PDZD2: variants seen among roughly 807,000 people sequenced by gnomAD.
The protein encoded by PDZD2 is PDZ domain containing 2.
In PDZD2, 90 loss-of-function variants were observed where a neutral mutation model predicts 220.7. The ratio of observed to expected loss-of-function variants is 0.41; its 90% CI spans 0.34 to 0.49. The LOEUF is 0.49. PDZD2 is among the 20% of genes least tolerant of loss of function. PDZD2 has a pLI of 0.28. For synonymous variants in PDZD2, 1,375 were observed against 1,450.5 expected, an observed-to-expected ratio of 0.95 and a Z score of 1.18; for missense variants, 3,174 against 3,608.5, an observed-to-expected ratio of 0.88 and a Z score of 3.08.
intron 2 of PDZD2, among the ~76,000 whole-genome samples, chr5:31,835,838 C>T (rs2150276614): frequency 6.6e-6 from 1 of 152,286 alleles, no homozygotes; most frequent in Middle Eastern, 3.4e-3. Context: ...CTAGTGAAAA[C>T]TCAACAAATG....
intron 2 of PDZD2, among the ~76,000 whole-genome samples, chr5:31,890,212 C>T (rs972812281): frequency 3.7e-5 from 5 of 136,162 alleles, no homozygotes; most frequent in Admixed American, 8.5e-5. Flanking sequence ...ACTTAATGGG[C>T]GATGGCGGTG....
At chr5:31,885,451 A>G (rs1311612805) in intron 2 of PDZD2, among the ~76,000 whole-genome samples, 1 of 152,212 alleles carries the variant, frequency 6.6e-6, no homozygotes, top group Non-Finnish European at 1.5e-5. Context: ...TGTGTTCTAA[A>G]GAAGTACTTG....
rs1303185675 is a variant in PDZD2 at position 31,679,174 on chromosome 5, A to C, written c.-361+39737A>C. On this transcript the variant is annotated intron_variant, in intron 1 of 24. Coordinates refer to ENST00000438447, the MANE Select transcript of PDZD2 (RefSeq NM_178140.4). ...ACACTTCTCAGGGTGTTATCTTCAT[A>C]GTAAGATGAATTGACAGGTGCCTGT... Among the ~76,000 whole-genome samples, 7 of 152,348 alleles carry C rather than the reference A, an allele frequency of 4.6e-5. No homozygotes were observed. In the South Asian group the frequency reaches 1.4e-3, roughly 32 times the overall value.
chr5:31,709,529 G>A (rs566858220), intron 1 of PDZD2, among the ~76,000 whole-genome samples: 4 of 151,018 alleles, frequency 2.6e-5, no homozygotes, highest in Admixed American at 2.6e-4. Context: ...GAGAGCTAGG[G>A]TTTGTCCTGG....
At chr5:31,677,210 A>C (rs576374076) in intron 1 of PDZD2, among the ~76,000 whole-genome samples, 32 of 152,304 alleles carry the variant, frequency 2.1e-4, no homozygotes, top group African/African-American at 7.2e-4. Context: ...ATGACAGCGG[A>C]TTATTGTGTC....
chr5:31,720,149 A>G (rs1052855814), intron 1 of PDZD2, among the ~76,000 whole-genome samples: 1 of 152,194 alleles, frequency 6.6e-6, no homozygotes, highest in Non-Finnish European at 1.5e-5. Flanking sequence ...CCAGAAGACA[A>G]TTGCTTCTCC....
At chr5:31,931,916 G>A (rs573595755) in intron 2 of PDZD2, among the ~76,000 whole-genome samples, 26 of 152,290 alleles carry the variant, frequency 1.7e-4, no homozygotes, top group Non-Finnish European at 3.5e-4. Flanking sequence ...GCTTTCTCAG[G>A]TGTGATTCTG....
In PDZD2 at chr5:32,000,320, T is replaced by C; in HGVS notation, c.1254+49T>C. ...ACTCGTAATGGTGGCAGTGGTGAGT[T>C]GGGGTTGAGCCCCACCTCCCATGCC... is the stretch of plus-strand genomic sequence containing the variant. On this transcript the variant is annotated intron_variant, in intron 5 of 24. Coordinates refer to ENST00000438447, the MANE Select transcript of PDZD2 (RefSeq NM_178140.4). This position sits in a 1 kb window ranked among gnomAD's most constrained non-coding sequence, Gnocchi z 4.5. The C allele has an allele frequency of 6.2e-7, 1 of 1,600,014 alleles. No homozygotes were observed. Among genetic ancestry groups the C allele is most frequent in the South Asian group, 1.1e-5 (1 of 90,560 alleles).
At chr5:32,053,629 A>G (rs1738800168) in intron 9 of PDZD2, 140 bp from the exon 10 acceptor site, 2 of 617,460 alleles carry the variant, frequency 3.2e-6, no homozygotes, top group Admixed American at 5.6e-5. Flanking sequence ...GCTTAGTTTA[A>G]CTCCAGGCCT....
chr5:32,065,989 A>T (rs530541555), intron 14 of PDZD2, among the ~76,000 whole-genome samples: 9 of 151,508 alleles, frequency 5.9e-5, no homozygotes, highest in Non-Finnish European at 1.2e-4. Flanking sequence ...GCACCATCAC[A>T]CTCCAGCCTG....
chr5:31,832,827 A>G (rs1756696746), intron 2 of PDZD2, among the ~76,000 whole-genome samples: 1 of 152,150 alleles, frequency 6.6e-6, no homozygotes, highest in Non-Finnish European at 1.5e-5. Context: ...AAAAAAATTA[A>G]AATGGTCAAT....
intron 7 of PDZD2, among the ~76,000 whole-genome samples, chr5:32,046,105 A>G (rs976101177): frequency 1.1e-4 from 17 of 152,236 alleles, no homozygotes; most frequent in African/African-American, 4.1e-4. Flanking sequence ...TCATATAAAC[A>G]TTGTAATATG....
In PDZD2 at chr5:32,098,623, A is replaced by G. The variant is rs1255748660; in HGVS notation, c.8207A>G (p.Glu2736Gly). The G allele has an allele frequency of 1.9e-6, 3 of 1,613,112 alleles. No individual in the cohort carries two copies. Among genetic ancestry groups the G allele is most frequent in the East Asian group, 2.2e-5 (1 of 44,876 alleles). Residue 2736 changes from glutamate (E) to glycine (G), a missense_variant, in exon 23 of 25, where the codon GAG becomes GGG. Transcript: ENST00000438447. This position sits in a 1 kb window ranked among gnomAD's most constrained non-coding sequence, Gnocchi z 4.1. ...CTGTCCAGAAAGACCATCCCCCTGG[A>G]GCCTGGCATTGGTAAGATGATCATT... The part of the protein sequence containing the change: ...GLLSRKTIPL[E>G]PGIGRSVAVH...
intron 2 of PDZD2, among the ~76,000 whole-genome samples, chr5:31,937,845 T>C (rs956147263): frequency 6.6e-6 from 1 of 152,244 alleles, no homozygotes; most frequent in Non-Finnish European, 1.5e-5. Context: ...AGAAGCTGTG[T>C]TGGGGACAGG....
intron 1 of PDZD2, among the ~76,000 whole-genome samples, chr5:31,712,868 C>T (rs974168068): frequency 4.6e-5 from 7 of 152,182 alleles, no homozygotes; most frequent in Non-Finnish European, 7.3e-5. Context: ...AGGGTCTTTG[C>T]GTGTGCAAGG....
chr5:32,009,525 C>T (rs1217163045), intron 5 of PDZD2, among the ~76,000 whole-genome samples: 1 of 150,728 alleles, frequency 6.6e-6, no homozygotes, highest in Non-Finnish European at 1.5e-5. Flanking sequence ...CCCAGGAGTT[C>T]GAGACCAGCC....
At chr5:31,723,439 G>A (rs1748922090) in intron 1 of PDZD2, among the ~76,000 whole-genome samples, 2 of 151,786 alleles carry the variant, frequency 1.3e-5, no homozygotes, top group South Asian at 2.1e-4. Context: ...ATGGTTAAAG[G>A]TATTACTTGT....
At chr5:31,695,214 T>A (rs1307746882) in intron 1 of PDZD2, among the ~76,000 whole-genome samples, 1 of 152,184 alleles carries the variant, frequency 6.6e-6, no homozygotes, top group African/African-American at 2.4e-5. Flanking sequence ...CAAGTCCACC[T>A]TGAATACTGT....
intron 2 of PDZD2, among the ~76,000 whole-genome samples, chr5:31,825,359 G>A (rs1756147426): frequency 6.6e-6 from 1 of 152,202 alleles, no homozygotes; most frequent in Admixed American, 6.5e-5. Flanking sequence ...AGGGATGAAA[G>A]ACAGTGTCCC....
Sources: gnomAD v4.1 joint callset for allele counts (sites outside exome capture counted in the v4.1 genomes callset) on GRCh38, gnomAD v4.1.1 for gene constraint, Gnocchi (gnomAD v3.1) non-coding constraint, MANE v1.5 for transcripts, NCBI Gene and HGNC (gene_info 2026-07-23, HGNC 2026-07-21) for gene names.